MYRIP: variants seen among roughly 807,000 people sequenced by gnomAD.
MYRIP encodes rab effector MyRIP.
A neutral mutation model predicts 98.0 loss-of-function variants in MYRIP; 49 were observed. The ratio of observed to expected loss-of-function variants is 0.50; its 90% CI spans 0.40 to 0.63. MYRIP has a LOEUF of 0.63. Among genes scored for constraint, MYRIP ranks in the 30% least tolerant of loss-of-function variants. The pLI, the probability that MYRIP is intolerant of heterozygous loss-of-function variation, is 0.00. For synonymous variants in MYRIP, 404 were observed against 409.5 expected (o/e 0.99, Z 0.16); for missense variants, 1,004 against 1,058.2 (o/e 0.95, Z 0.71).
At chr3:39,935,046 C>A (rs1184811351) in intron 2 of MYRIP, among the ~76,000 whole-genome samples, 1 of 152,210 alleles carries the variant, frequency 6.6e-6, no homozygotes, top group Non-Finnish European at 1.5e-5. Flanking sequence ...GGAATTAACT[C>A]ATGTAAGAGT....
chr3:39,813,409 G>A (rs1470737367), intron 1 of MYRIP, among the ~76,000 whole-genome samples: 1 of 152,180 alleles, frequency 6.6e-6, no homozygotes, highest in African/African-American at 2.4e-5. Context: ...TTCATTTGGT[G>A]GCTTCCATGC....
intron 2 of MYRIP, among the ~76,000 whole-genome samples, chr3:40,028,479 C>G (rs1364903692): frequency 6.6e-6 from 1 of 152,166 alleles, no homozygotes; most frequent in Non-Finnish European, 1.5e-5. Flanking sequence ...ATACTTGGAT[C>G]ACTGAATTTC....
At chr3:40,243,897 T>C (rs1368314766) in intron 12 of MYRIP, among the ~76,000 whole-genome samples, 1 of 152,254 alleles carries the variant, frequency 6.6e-6, no homozygotes, top group African/African-American at 2.4e-5. Flanking sequence ...CACACTATTT[T>C]CTAAGAAATA....
At chr3:40,175,379 C>T (rs1459991755) in intron 8 of MYRIP, among the ~76,000 whole-genome samples, 1 of 152,152 alleles carries the variant, frequency 6.6e-6, no homozygotes, top group Non-Finnish European at 1.5e-5. Flanking sequence ...CCACGCTGGC[C>T]AACTCAGGAA....
chr3:40,080,405 T>C (rs1948448371), intron 3 of MYRIP, among the ~76,000 whole-genome samples: 2 of 152,268 alleles, frequency 1.3e-5, no homozygotes, highest in Admixed American at 6.5e-5. Context: ...TTTTAGTTTT[T>C]GGTATTAATG....
At chr3:39,933,260 G>C (rs1379597323) in intron 2 of MYRIP, among the ~76,000 whole-genome samples, 2 of 152,118 alleles carry the variant, frequency 1.3e-5, no homozygotes, top group Non-Finnish European at 2.9e-5. Context: ...ACTTGTTTAT[G>C]TTTTATCTAT....
At chr3:40,097,413 G>C (rs1948853153) in intron 3 of MYRIP, among the ~76,000 whole-genome samples, 1 of 152,078 alleles carries the variant, frequency 6.6e-6, no homozygotes, top group African/African-American at 2.4e-5. Context: ...GCTTTCCAAA[G>C]AGTGAGTTCT....
Position 40,251,940 on chromosome 3 carries a change from C to T in MYRIP, c.2488C>T (p.Leu830Phe), listed in dbSNP as rs144433719. ...TIKTFNHNFI[L>F]QGSSTNRTKE... ...TAAAACATTTAACCACAACTTCATTCTCCAAGGCTCCTCAACAAACAGGAC... is the reference window on the plus strand; with the variant it reads ...TAAAACATTTAACCACAACTTCATTTTCCAAGGCTCCTCAACAAACAGGAC... Residue 830 changes from leucine (L) to phenylalanine (F), a missense_variant, in exon 16 of 17, where the codon CTC becomes TTC. Physicochemically the swap from Leu to Phe is conservative, Grantham distance 22 (BLOSUM62 0). Coordinates refer to ENST00000302541, the MANE Select transcript of MYRIP (RefSeq NM_015460.4). The T allele has an allele frequency of 9.5e-5, 153 of 1,613,888 alleles. No homozygotes were observed. The highest frequency in any genetic ancestry group is 5.2e-4 in the South Asian group (47 of 91,062).
Position 39,966,313 on chromosome 3 carries a change from G to A in MYRIP, c.110+65387G>A, listed in dbSNP as rs574041154. On this transcript the variant is annotated intron_variant, in intron 2 of 16. Transcript: ENST00000302541. ...TACCAAGAACACTGAAGATATTAAA[G>A]GAGAGGTTCTCCAATGGTTACCAGA... is the stretch of plus-strand genomic sequence containing the variant. Among the ~76,000 whole-genome samples the A allele has an allele frequency of 2.6e-5, 4 of 152,272 alleles. No individual in the cohort carries two copies. The East Asian group carries it at 7.7e-4, about 29-fold the overall frequency.
At chr3:39,995,211 A>G (rs1354104590) in intron 2 of MYRIP, among the ~76,000 whole-genome samples, 1 of 152,236 alleles carries the variant, frequency 6.6e-6, no homozygotes, top group Admixed American at 6.5e-5. Context: ...AGTTGAGAGA[A>G]GAAGGCTTCA....
intron 2 of MYRIP, among the ~76,000 whole-genome samples, chr3:39,922,663 A>G (rs1043177360): frequency 2.6e-5 from 4 of 152,208 alleles, no homozygotes; most frequent in African/African-American, 9.7e-5. Flanking sequence ...CAGAGGTCAA[A>G]TGAGGACCCT....
At chr3:39,928,536 A>G (rs984316167) in intron 2 of MYRIP, among the ~76,000 whole-genome samples, 1 of 151,960 alleles carries the variant, frequency 6.6e-6, no homozygotes, top group Non-Finnish European at 1.5e-5. Flanking sequence ...TTAAAAAAAC[A>G]ATCAATGTAA....
chr3:40,059,466 A>T (rs1305124008), intron 3 of MYRIP, among the ~76,000 whole-genome samples: 3 of 152,064 alleles, frequency 2.0e-5, no homozygotes, highest in Non-Finnish European at 2.9e-5. Flanking sequence ...CTTTTTAATG[A>T]TCACCATTCT....
chr3:40,120,890 C>T (rs1331474852), intron 3 of MYRIP, among the ~76,000 whole-genome samples: 4 of 152,174 alleles, frequency 2.6e-5, no homozygotes, highest in African/African-American at 9.7e-5. Flanking sequence ...GTTCTTTATT[C>T]CTGCCTCCAA....
chr3:40,244,799 A>G (rs932063572), intron 13 of MYRIP, among the ~76,000 whole-genome samples, 192 bp downstream of exon 13: 1 of 152,188 alleles, frequency 6.6e-6, no homozygotes, highest in Admixed American at 6.5e-5. Flanking sequence ...TCTCTGCCAA[A>G]TTAAAGTCTC....
chr3:39,940,857 A>G (rs1230898076), intron 2 of MYRIP, among the ~76,000 whole-genome samples: 1 of 152,214 alleles, frequency 6.6e-6, no homozygotes, highest in East Asian at 1.9e-4. Flanking sequence ...AGAAGTTTAA[A>G]GAAAATAAAA....
chr3:39,834,191 A>G (rs1165818542), intron 1 of MYRIP, among the ~76,000 whole-genome samples: 3 of 152,214 alleles, frequency 2.0e-5, no homozygotes, highest in Non-Finnish European at 4.4e-5. Flanking sequence ...GCAGCTATTC[A>G]GCTATTTTGG....
At chr3:39,813,816 A>G (rs555759323) in intron 1 of MYRIP, among the ~76,000 whole-genome samples, 13 of 152,252 alleles carry the variant, frequency 8.5e-5, no homozygotes, top group Non-Finnish European at 1.9e-4. Context: ...TCAACCTGCA[A>G]TGCTGGGACT....
At chr3:39,967,675 G>A (rs933844369) in intron 2 of MYRIP, among the ~76,000 whole-genome samples, 4 of 152,122 alleles carry the variant, frequency 2.6e-5, no homozygotes, top group African/African-American at 7.2e-5. Flanking sequence ...TTCCACAATG[G>A]TTGAGCTAAT....
Sources: gnomAD v4.1 joint callset for allele counts (sites outside exome capture counted in the v4.1 genomes callset) on GRCh38, gnomAD v4.1.1 for gene constraint, MANE v1.5 for transcripts, NCBI Gene and HGNC (gene_info 2026-07-23, HGNC 2026-07-21) for gene names.